ACTR3: variants seen among roughly 807,000 people sequenced by gnomAD.
ACTR3 encodes the protein actin-related protein 3.
Under a neutral mutation model 56.8 loss-of-function variants are expected in ACTR3, and 12 were observed. The observed-to-expected ratio is 0.21, with a 90% CI of 0.14 to 0.34. The LOEUF is 0.34. ACTR3 is among the 10% of genes least tolerant of loss of function. ACTR3 has a pLI of 1.00. For synonymous variants in ACTR3, 162 were observed against 167.4 expected (o/e 0.97, Z 0.25); for missense variants, 282 against 512.5 (o/e 0.55, Z 4.34).
At chr2:113,930,219 T>G (rs1481169019) in intron 4 of ACTR3, among the ~76,000 whole-genome samples, 1 of 152,128 alleles carries the variant, frequency 6.6e-6, no homozygotes, top group Non-Finnish European at 1.5e-5. Flanking sequence ...TTGTATGTAT[T>G]CATCAGTAAA....
intron 1 of ACTR3, among the ~76,000 whole-genome samples, chr2:113,906,590 A>G (rs758560108): frequency 6.6e-6 from 1 of 151,882 alleles, no homozygotes; most frequent in African/African-American, 2.4e-5. Flanking sequence ...TAAGAGTTCT[A>G]TAGTTTTAGC....
intron 1 of ACTR3, among the ~76,000 whole-genome samples, chr2:113,891,669 A>G (rs1458961287): frequency 1.3e-5 from 2 of 151,166 alleles, no homozygotes; most frequent in Non-Finnish European, 2.9e-5. Context: ...TACTTAAAAG[A>G]TTGTGTGTCC....
At chr2:113,901,559 A>G (rs963261501) in intron 1 of ACTR3, among the ~76,000 whole-genome samples, 4 of 152,216 alleles carry the variant, frequency 2.6e-5, no homozygotes, top group Non-Finnish European at 5.9e-5. Flanking sequence ...ATGATATGGT[A>G]AGAGTATAAG....
At chr2:113,929,130 GT>G (rs58347794) in intron 4 of ACTR3, among the ~76,000 whole-genome samples, 11,132 of 147,664 alleles carry the variant, frequency 0.075, 458 homozygotes, top group African/African-American at 0.11. Flanking sequence ...GGCTATTTTT[GT>G]TTTTTTTTTG....
chr2:113,909,246 G>A (rs1559462943), intron 1 of ACTR3, among the ~76,000 whole-genome samples: 1 of 152,010 alleles, frequency 6.6e-6, no homozygotes, highest in Non-Finnish European at 1.5e-5. Flanking sequence ...TTTGAGAAGA[G>A]CATTTTTGTT....
chr2:113,938,673 T>C lies in ACTR3; in HGVS notation c.541-1286T>C, dbSNP rs574696991. On this transcript the variant is annotated intron_variant, in intron 6 of 11. Transcript: ENST00000263238. Reference sequence around the variant, plus strand: ...GAGCTCTGGTGGTGGTTCTGTCTACTTTTTTCTAGAGGTCCTTTCTCTCAC... The same window carrying C: ...GAGCTCTGGTGGTGGTTCTGTCTACCTTTTTCTAGAGGTCCTTTCTCTCAC... 5.9e-5 allele frequency among the ~76,000 whole-genome samples: 9 copies of C among 152,242 alleles called. No homozygotes were observed. The South Asian group carries it at 1.9e-3, about 32-fold the overall frequency.
intron 3 of ACTR3, 117 bp from the exon 4 acceptor site, chr2:113,927,228 C>A: frequency 1.7e-6 from 1 of 590,570 alleles, no homozygotes; most frequent in Non-Finnish European, 2.8e-6. Context: ...TAGTATCACA[C>A]CTATGAATAT....
chr2:113,955,345 A>G (rs1680190463), intron 10 of ACTR3: 4 of 242,840 alleles, frequency 1.6e-5, no homozygotes, highest in African/African-American at 2.2e-5. Context: ...TTAGTATGTA[A>G]AACACTAACA....
intron 1 of ACTR3, among the ~76,000 whole-genome samples, chr2:113,909,929 CA>C (rs1313003315): frequency 6.6e-6 from 1 of 152,106 alleles, no homozygotes; most frequent in African/African-American, 2.4e-5. Context: ...AGTAGAGCAT[CA>C]TTTGAAGATT....
chr2:113,895,623 G>T (rs79789723), intron 1 of ACTR3, among the ~76,000 whole-genome samples: 1 of 152,142 alleles, frequency 6.6e-6, no homozygotes, highest in Non-Finnish European at 1.5e-5. Flanking sequence ...TGGTATTGGC[G>T]GTGGAGTTGG....
chr2:113,938,024 AT>A (rs1011568207), intron 6 of ACTR3, among the ~76,000 whole-genome samples: 4 of 151,640 alleles, frequency 2.6e-5, no homozygotes, highest in Non-Finnish European at 5.9e-5. Flanking sequence ...CTGTACATTT[AT>A]TTTTTTATAA....
chr2:113,951,626 T>G (rs1480862990), intron 9 of ACTR3, 55 bp downstream of exon 9: 3 of 1,534,630 alleles, frequency 2.0e-6, no homozygotes, highest in African/African-American at 2.7e-5. Context: ...CTTAAACACC[T>G]CTCATAAAAA....
intron 4 of ACTR3, among the ~76,000 whole-genome samples, chr2:113,927,661 A>G (rs1679646023): frequency 6.6e-6 from 1 of 152,196 alleles, no homozygotes; most frequent in Non-Finnish European, 1.5e-5. Context: ...TAAACACTTA[A>G]GAAGTGCTTT....
intron 8 of ACTR3, chr2:113,950,767 T>G (rs1382823783): frequency 6.6e-6 from 1 of 152,190 alleles, no homozygotes; most frequent in Non-Finnish European, 1.5e-5. Context: ...TTATTAGCTA[T>G]TTGTATTAGT....
Position 113,934,274 on chromosome 2 carries a change from T to C in ACTR3, c.433-5T>C, listed in dbSNP as rs757131725. ...TTTTGCCTTTCTTCTTTCTTTGTGC[T>C]CAAGGCTGTTCTTGCCTTAGCTGCA... On this transcript the variant is annotated splice_polypyrimidine_tract_variant and splice_region_variant and intron_variant, in intron 5 of 11. Transcript: ENST00000263238. The C allele has an allele frequency of 2.6e-6, 4 of 1,562,102 alleles. No homozygotes were observed. Among genetic ancestry groups the C allele is most frequent in the Admixed American group, 3.9e-5 (2 of 50,894 alleles).
Position 113,913,199 on chromosome 2 carries a change from T to C in ACTR3, c.72T>C (p.Asn24=), listed in dbSNP as rs775253676. The change falls in exon 2 of 12, where the codon AAT becomes AAC. Residue 24 remains asparagine (N), a synonymous_variant. Coordinates refer to ENST00000263238, the MANE Select transcript of ACTR3 (RefSeq NM_005721.5). ...TGYTKLGYAG[N]TEPQFIIPSC... ...ATACAAAACTAGGATATGCTGGAAATACAGAACCACAGTTTATCATCCCTT... is the reference window on the plus strand; with the variant it reads ...ATACAAAACTAGGATATGCTGGAAACACAGAACCACAGTTTATCATCCCTT... The C allele has an allele frequency of 6.3e-7, 1 of 1,596,536 alleles. No individual in the cohort carries two copies. The highest frequency in any genetic ancestry group is 2.3e-5 in the East Asian group (1 of 43,866).
At chr2:113,951,638 G>A in intron 9 of ACTR3, 67 bp downstream of exon 9, 9 of 1,511,774 alleles carry the variant, frequency 6.0e-6, no homozygotes, top group Non-Finnish European at 8.2e-6. Context: ...TCATAAAAAG[G>A]ATATAATAGC....
In ACTR3 at chr2:113,950,572, T is replaced by C. The variant is rs552998636; in HGVS notation, c.859-907T>C. Among the ~76,000 whole-genome samples the C allele has an allele frequency of 2.6e-5, 4 of 152,358 alleles. No individual in the cohort carries two copies. The East Asian group carries it at 5.8e-4, about 22-fold the overall frequency. On this transcript the variant is annotated intron_variant, in intron 8 of 11. Coordinates refer to ENST00000263238, the MANE Select transcript of ACTR3 (RefSeq NM_005721.5). ...TAGCGATTAGGTAAATTCACAAATA[T>C]GGAATCATGAATAATGAGATTAGAC...
At chr2:113,927,476 T>C in intron 4 of ACTR3, 21 bp downstream of exon 4, 1 of 1,514,006 alleles carries the variant, frequency 6.6e-7, no homozygotes, top group Non-Finnish European at 9.0e-7. Context: ...AGTTATAATT[T>C]CACTGAGGAA....
Sources: gnomAD v4.1 joint callset for allele counts (sites outside exome capture counted in the v4.1 genomes callset) on GRCh38, gnomAD v4.1.1 for gene constraint, MANE v1.5 for transcripts, NCBI Gene and HGNC (gene_info 2026-07-23, HGNC 2026-07-21) for gene names.